GPR37: variants seen among roughly 807,000 people sequenced by gnomAD.
GPR37 encodes prosaposin receptor GPR37.
A neutral mutation model predicts 43.6 loss-of-function variants in GPR37; 20 were observed. The ratio of observed to expected loss-of-function variants is 0.46; its 90% confidence interval spans 0.32 to 0.67. The LOEUF (loss-of-function observed/expected upper bound fraction) is 0.67, where lower values mean the gene tolerates loss of function less well. Ranked by LOEUF, GPR37 falls within the 30% of genes least tolerant of loss-of-function variation. The pLI is 0.03. For missense variants in GPR37, 724 were observed against 797.2 expected, an observed-to-expected ratio of 0.91 and a Z score of 1.11; for synonymous variants, 315 against 322.6, an observed-to-expected ratio of 0.98 and a Z score of 0.25.
intron 1 of GPR37, 55 bp from the exon 2 acceptor site, chr7:124,747,398 A>C: frequency 8.6e-7 from 1 of 1,163,756 alleles, no homozygotes; most frequent in Non-Finnish European, 1.2e-6. Context: ...AGATCAAAGC[A>C]CTAGGAAATA....
intron 1 of GPR37, among the ~76,000 whole-genome samples, chr7:124,755,974 C>T (rs1793786771): frequency 6.6e-6 from 1 of 152,104 alleles, no homozygotes; most frequent in Non-Finnish European, 1.5e-5. Context: ...ATAGTTAGGT[C>T]ATCATGATTT....
In GPR37 at chr7:124,746,473, C is replaced by T; in HGVS notation, c.*52G>A. The T allele has an allele frequency of 7.6e-7, 1 of 1,320,792 alleles. No homozygotes were observed. The highest frequency in any genetic ancestry group is 2.4e-5 in the East Asian group (1 of 40,956). The allele number at this position is 1,320,792 out of a possible 1,614,324, so 81.8% of individuals were successfully genotyped here. ...AGGAAAAATATGAATTAAAAACTTT[C>T]ACGGGATATGAAAATCAAACAAATA... is the stretch of plus-strand genomic sequence containing the variant. On this transcript the variant is annotated 3_prime_UTR_variant, in exon 2 of 2. Coordinates refer to ENST00000303921, the MANE Select transcript of GPR37 (RefSeq NM_005302.5).
chr7:124,748,562 T>C lies in GPR37; in HGVS notation c.1024-1219A>G, dbSNP rs1047527304. 3.3e-5 allele frequency among the ~76,000 whole-genome samples: 5 copies of C among 152,096 alleles called. No individual in the cohort carries two copies. In the South Asian group the frequency reaches 1.0e-3, roughly 32 times the overall value. On this transcript the variant is annotated intron_variant, in intron 1 of 1. Transcript: ENST00000303921. ...TATGCCAAAGATACAGAATCAGACA[T>C]AAGAAGTATATTTATCATAAAATAG...
intron 1 of GPR37, among the ~76,000 whole-genome samples, chr7:124,762,357 T>C (rs1429188964): frequency 6.6e-6 from 1 of 152,074 alleles, no homozygotes; most frequent in African/African-American, 2.4e-5. Context: ...CTCTAGTGTA[T>C]ACAGATTTCT....
intron 1 of GPR37, among the ~76,000 whole-genome samples, chr7:124,753,460 G>C (rs758133199): frequency 1.3e-5 from 2 of 151,848 alleles, no homozygotes; most frequent in Non-Finnish European, 2.9e-5. Flanking sequence ...CCTTGCCTCA[G>C]TTTTCTTAAT....
In GPR37 at chr7:124,764,882, G is replaced by A; in HGVS notation, c.95C>T (p.Pro32Leu). ...VSASSALGVA[P>L]ASRNETCLGE... ...CAGACAAGTTTCGTTTCTGGACGCA[G>A]GGGCGACCCCGAGGGCAGAAGAGGC... Residue 32 changes from proline to leucine, a missense_variant, in exon 1 of 2, where the codon CCT (proline) becomes CTT (leucine). By Grantham distance (98) the Pro-to-Leu change is moderately conservative. Transcript: ENST00000303921. This position sits in a 1 kb window ranked among gnomAD's most constrained non-coding sequence, Gnocchi z 5.4. 6 of 1,609,382 alleles carry A rather than the reference G, an allele frequency of 3.7e-6. No homozygotes were observed. Among genetic ancestry groups the A allele is most frequent in the Non-Finnish European group, 4.2e-6 (5 of 1,177,958 alleles).
intron 1 of GPR37, among the ~76,000 whole-genome samples, chr7:124,758,090 A>G: frequency 7.2e-6 from 1 of 138,220 alleles, no homozygotes; most frequent in East Asian, 2.4e-4. Flanking sequence ...GCTTTAGAAA[A>G]GGACACATTC....
intron 1 of GPR37, among the ~76,000 whole-genome samples, chr7:124,761,472 C>T (rs1283466605): frequency 6.6e-6 from 1 of 152,206 alleles, no homozygotes; most frequent in African/African-American, 2.4e-5. Context: ...AGCCCTAAAG[C>T]TCCTAATGGT....
At chr7:124,762,295 G>C (rs1003677784) in intron 1 of GPR37, among the ~76,000 whole-genome samples, 2 of 151,778 alleles carry the variant, frequency 1.3e-5, no homozygotes, top group Admixed American at 6.6e-5. Context: ...AAGAACTTTG[G>C]TGTTTTTATT....
chr7:124,765,138 G>C lies in GPR37; in HGVS notation c.-162C>G. 1.7e-6 allele frequency: 1 copy of C among 590,232 alleles called. No individual in the cohort carries two copies. Among genetic ancestry groups the C allele is most frequent in the Admixed American group, 3.7e-5 (1 of 27,348 alleles). 36.6% of individuals were successfully genotyped at this position (590,232 alleles called of 1,614,324 possible). On this transcript the variant is annotated 5_prime_UTR_variant, in exon 1 of 2. Coordinates refer to ENST00000303921, the MANE Select transcript of GPR37 (RefSeq NM_005302.5). Reference sequence around the variant, plus strand: ...GTGATAGCGGAAGATCGGTCTTGGGGGTCACACACACGCCCCCTATAATCC... The same window carrying C: ...GTGATAGCGGAAGATCGGTCTTGGGCGTCACACACACGCCCCCTATAATCC...
At chr7:124,763,815 T>C in intron 1 of GPR37, 139 bp downstream of exon 1, 1 of 756,896 alleles carries the variant, frequency 1.3e-6, no homozygotes, top group Non-Finnish European at 2.2e-6. Context: ...CATAAATGAT[T>C]GGAAAGAGAA....
intron 1 of GPR37, among the ~76,000 whole-genome samples, chr7:124,760,510 C>A (rs1793839465): frequency 6.6e-6 from 1 of 152,110 alleles, no homozygotes; most frequent in Non-Finnish European, 1.5e-5. Flanking sequence ...TAATTAACTA[C>A]CAATTGCAGA....
chr7:124,761,372 C>G (rs1019981906), intron 1 of GPR37, among the ~76,000 whole-genome samples: 1 of 152,080 alleles, frequency 6.6e-6, no homozygotes, highest in African/African-American at 2.4e-5. Flanking sequence ...GGCTTGCATC[C>G]AATGTCTTAC....
chr7:124,751,507 G>T (rs6969610), intron 1 of GPR37, among the ~76,000 whole-genome samples: 1 of 151,890 alleles, frequency 6.6e-6, no homozygotes, highest in Admixed American at 6.6e-5. Context: ...AATGAGTGGC[G>T]TTCTAATTTC....
At chr7:124,754,206 C>A (rs1179372812) in intron 1 of GPR37, among the ~76,000 whole-genome samples, 1 of 152,060 alleles carries the variant, frequency 6.6e-6, no homozygotes, top group Non-Finnish European at 1.5e-5. Context: ...ACTATCAGGA[C>A]CTGAGGAACC....
chr7:124,746,502 C>A lies in GPR37; in HGVS notation c.*23G>T. On this transcript the variant is annotated 3_prime_UTR_variant, in exon 2 of 2. Transcript: ENST00000303921. The stretch of plus-strand genomic sequence containing the variant: ...GGATATGAAAATCAAACAAATAAAT[C>A]TGACCCAACCAAGTACTGTCCTTCA... The A allele has an allele frequency of 2.0e-6, 3 of 1,483,864 alleles. No homozygotes were observed. Among genetic ancestry groups the A allele is most frequent in the South Asian group, 1.4e-5 (1 of 71,586 alleles). The allele number at this position is 1,483,864 out of a possible 1,614,324, so 91.9% of individuals were successfully genotyped here.
chr7:124,762,053 T>C (rs866866268), intron 1 of GPR37, among the ~76,000 whole-genome samples: 20 of 152,044 alleles, frequency 1.3e-4, no homozygotes, highest in Non-Finnish European at 2.9e-5. Context: ...ATTTTACTAA[T>C]AATAAGAGGC....
At chr7:124,760,124 C>T (rs2116324806) in intron 1 of GPR37, among the ~76,000 whole-genome samples, 1 of 152,072 alleles carries the variant, frequency 6.6e-6, no homozygotes, top group Non-Finnish European at 1.5e-5. Context: ...AAAGGTTAAA[C>T]ATCTTACTGG....
At chr7:124,762,467 G>A (rs1416225356) in intron 1 of GPR37, among the ~76,000 whole-genome samples, 1 of 145,676 alleles carries the variant, frequency 6.9e-6, no homozygotes, top group Non-Finnish European at 1.5e-5. Flanking sequence ...TCTTGCATAA[G>A]TCAATTTCTT....
Sources: gnomAD v4.1 joint callset for allele counts (sites outside exome capture counted in the v4.1 genomes callset) on GRCh38, gnomAD v4.1.1 for gene constraint, Gnocchi (gnomAD v3.1) non-coding constraint, MANE v1.5 for transcripts, NCBI Gene and HGNC (gene_info 2026-07-23, HGNC 2026-07-21) for gene names.